ACSL4: variants seen among roughly 807,000 people sequenced by gnomAD.
ACSL4 encodes the protein acyl-CoA synthetase long chain family member 4.
ACSL4 carries 9 observed loss-of-function variants against 49.1 expected under a neutral mutation model. That is an observed-to-expected ratio of 0.18 (90% CI 0.11 to 0.32). The LOEUF is 0.32. Among genes scored for constraint, ACSL4 ranks in the 10% least tolerant of loss-of-function variants. ACSL4 has a pLI of 1.00. For synonymous variants in ACSL4, 191 were observed against 170.3 expected (o/e 1.12, Z -0.95); for missense variants, 333 against 493.7 (o/e 0.67, Z 3.08).
chrX:109,718,148 A>C (rs1452138582), intron 1 of ACSL4, among the ~76,000 whole-genome samples: 1 of 112,648 alleles, frequency 8.9e-6, no homozygotes, highest in Non-Finnish European at 1.9e-5. Context: ...CCATGATTTC[A>C]TGACAAAACG....
At chrX:109,676,991 G>A (rs893848106) in intron 8 of ACSL4, among the ~76,000 whole-genome samples, 5 of 108,430 alleles carry the variant, frequency 4.6e-5, no homozygotes, top group African/African-American at 1.0e-4. Context: ...ACGGAGTCTC[G>A]CTCTGTCGCC....
chrX:109,727,030 T>A (rs190416029), intron 1 of ACSL4, among the ~76,000 whole-genome samples: 1 of 111,548 alleles, frequency 9.0e-6, no homozygotes, highest in East Asian at 2.8e-4. Flanking sequence ...ACTTGTCTTT[T>A]TAACTGGGTT....
chrX:109,699,041 T>C (rs1396815016), intron 1 of ACSL4, among the ~76,000 whole-genome samples: 4 of 112,618 alleles, frequency 3.6e-5, no homozygotes, highest in African/African-American at 1.3e-4. Flanking sequence ...AAGTTTAAAA[T>C]AGAATGTTTC....
intron 4 of ACSL4, 36 bp downstream of exon 4, chrX:109,682,683 C>T (rs761359855): frequency 1.7e-6 from 2 of 1,203,077 alleles, no homozygotes; most frequent in African/African-American, 3.5e-5. Flanking sequence ...AAGCAAAGAC[C>T]CTCCTCTCCC....
At chrX:109,649,081 G>A (rs1008161378) in intron 15 of ACSL4, among the ~76,000 whole-genome samples, 6 of 110,185 alleles carry the variant, frequency 5.4e-5, no homozygotes, top group Admixed American at 9.7e-5. Flanking sequence ...AATCAATATC[G>A]TGAAAATGGC....
At chrX:109,725,654 G>A (rs1314673538) in intron 1 of ACSL4, among the ~76,000 whole-genome samples, 1 of 110,270 alleles carries the variant, frequency 9.1e-6, no homozygotes, top group African/African-American at 3.3e-5. Context: ...TCAGGAGAAT[G>A]GCGTGAACCC....
In ACSL4 at chrX:109,731,476, T is replaced by A. The variant is rs750055091; in HGVS notation, c.-66+1663A>T. 7.3e-5 allele frequency among the ~76,000 whole-genome samples: 8 copies of A among 109,238 alleles called. No homozygotes were observed. In the East Asian group the frequency reaches 2.0e-3, roughly 27 times the overall value. The allele number at this position is 109,238 out of a possible 115,157, so 94.9% of individuals were successfully genotyped here. A position where few individuals can be genotyped will look rare whatever the true frequency, so the allele number is the denominator to read the frequency against. ...TTCCAATTCATTTCTCTTGTCTGAA[T>A]TGAACAAGACTCTTCTTTCTTCACC... On this transcript the variant is annotated intron_variant, in intron 1 of 15. Transcript: ENST00000672401.
chrX:109,732,339 C>T (rs1336993816), intron 1 of ACSL4, among the ~76,000 whole-genome samples: 1 of 111,408 alleles, frequency 9.0e-6, no homozygotes, highest in Non-Finnish European at 1.9e-5. Flanking sequence ...GGAGAAATGA[C>T]GTCTTATTTA....
chrX:109,702,366 T>C (rs769587177), intron 1 of ACSL4, among the ~76,000 whole-genome samples: 2 of 112,505 alleles, frequency 1.8e-5, no homozygotes, highest in Non-Finnish European at 3.8e-5. Context: ...TCTCTGTTGG[T>C]AGACATTTGG....
chrX:109,686,057 G>C (rs1924582616), intron 2 of ACSL4, among the ~76,000 whole-genome samples: 1 of 111,454 alleles, frequency 9.0e-6, no homozygotes, highest in Admixed American at 9.6e-5. Context: ...TTCAAGATAA[G>C]GTATGTCATG....
intron 9 of ACSL4, among the ~76,000 whole-genome samples, chrX:109,673,880 T>A (rs1923466630): frequency 9.6e-6 from 1 of 104,529 alleles, no homozygotes; most frequent in Non-Finnish European, 1.9e-5. Flanking sequence ...ATGTAACATC[T>A]TTTTTTTTTA....
chrX:109,719,918 G>A (rs1404633596), intron 1 of ACSL4, among the ~76,000 whole-genome samples: 1 of 109,938 alleles, frequency 9.1e-6, no homozygotes, highest in Non-Finnish European at 1.9e-5. Context: ...GCTTGAACCC[G>A]GGAGGCGGAG....
chrX:109,644,834 G>C (rs1431489741), intron 15 of ACSL4, among the ~76,000 whole-genome samples: 1 of 113,255 alleles, frequency 8.8e-6, no homozygotes, highest in East Asian at 2.8e-4. Flanking sequence ...CACCATGCGC[G>C]AGCCGAAGCA....
intron 15 of ACSL4, among the ~76,000 whole-genome samples, chrX:109,644,961 G>A (rs1275565824): frequency 6.2e-5 from 7 of 113,066 alleles, no homozygotes; most frequent in South Asian, 3.6e-4. Flanking sequence ...GTGCTTTTCC[G>A]ACAGGCTTAA....
At chrX:109,709,109 A>G (rs1473576356) in intron 1 of ACSL4, among the ~76,000 whole-genome samples, 1 of 112,035 alleles carries the variant, frequency 8.9e-6, no homozygotes, top group Non-Finnish European at 1.9e-5. Context: ...CTTCTGCCCC[A>G]TAATGAAAAT....
chrX:109,692,238 T>A (rs750307071), intron 2 of ACSL4: 2 of 111,808 alleles, frequency 1.8e-5, no homozygotes, highest in South Asian at 7.5e-4. Context: ...CAGTATCCTA[T>A]CTATGTATGT....
At chrX:109,663,495 A>C in intron 12 of ACSL4, 93 bp from the exon 13 acceptor site, 2 of 782,594 alleles carry the variant, frequency 2.6e-6, no homozygotes, top group East Asian at 6.3e-5. Flanking sequence ...TCTGCTGATC[A>C]GATTTTATAT....
chrX:109,724,234 T>C (rs1185113665), intron 1 of ACSL4, among the ~76,000 whole-genome samples: 1 of 111,463 alleles, frequency 9.0e-6, no homozygotes, highest in Non-Finnish European at 1.9e-5. Context: ...AAACTTTGTG[T>C]GTGTGTGGTT....
intron 15 of ACSL4, among the ~76,000 whole-genome samples, chrX:109,649,048 A>T (rs1167032495): frequency 9.2e-6 from 1 of 108,901 alleles, no homozygotes; most frequent in Non-Finnish European, 1.9e-5. Context: ...ATGGAAGAAC[A>T]TTCCATGCTC....
Sources: gnomAD v4.1 joint callset for allele counts (sites outside exome capture counted in the v4.1 genomes callset) on GRCh38, gnomAD v4.1.1 for gene constraint, MANE v1.5 for transcripts, NCBI Gene and HGNC (gene_info 2026-07-23, HGNC 2026-07-21) for gene names.